The following AKNA variants were observed in gnomAD, a reference collection of about 807,000 sequenced individuals.
The protein encoded by AKNA is AT-hook transcription factor.
In AKNA, 67 loss-of-function variants were observed where a neutral mutation model predicts 138.8. That is an observed-to-expected ratio of 0.48 (90% CI 0.40 to 0.59). The LOEUF (loss-of-function observed/expected upper bound fraction) is 0.59, where lower values mean the gene tolerates loss of function less well. Among genes scored for constraint, AKNA ranks in the 20% least tolerant of loss-of-function variants. The pLI is 0.00. For missense variants in AKNA, 1,813 were observed against 1,880.4 expected (o/e 0.96, Z 0.66); for synonymous variants, 737 against 754.4 (o/e 0.98, Z 0.38).
chr9:114,332,367 C>A (rs1263573426), downstream of AKNA, among the ~76,000 whole-genome samples: 1 of 152,062 alleles, frequency 6.6e-6, no homozygotes, highest in Non-Finnish European at 1.5e-5. Flanking sequence ...AGTCACCATC[C>A]CGATTTTTGC....
intron 16 of AKNA, 74 bp from the exon 17 acceptor site, chr9:114,346,858 TC>T: frequency 8.0e-7 from 1 of 1,257,616 alleles, no homozygotes; most frequent in Non-Finnish European, 1.1e-6. Flanking sequence ...TGTGAGAAGT[TC>T]AACCTGGAGA....
chr9:114,396,899 TCTC>T (rs921650739), upstream of AKNA: 2 of 152,172 alleles, frequency 1.3e-5, no homozygotes, highest in Non-Finnish European at 2.9e-5. Context: ...TACTTTTCCT[TCTC>T]CACGCCCCCA....
At position 114,376,586 on chromosome 9, in the gene AKNA, C is replaced by T. The variant is rs763362809; in HGVS notation, c.1221G>A (p.Val407=). The T allele has an allele frequency of 1.9e-6, 3 of 1,614,156 alleles. No homozygotes were observed. The highest frequency in any genetic ancestry group is 1.7e-6 in the Non-Finnish European group (2 of 1,180,032). The part of the protein sequence containing the change: ...FKSPAEIVQE[V]LLSSGEAALA... ...GGGCTGCTTCTCCACTGCTCAACAG[C>T]ACCTCCTGCACAATCTCAGCTGGAG... The change falls in exon 3 of 22, where the codon GTG becomes GTA. Residue 407 remains valine, a synonymous_variant. Coordinates refer to ENST00000374088, the MANE Select transcript of AKNA (RefSeq NM_001317950.2).
chr9:114,366,320 T>C (rs927079055), intron 6 of AKNA, among the ~76,000 whole-genome samples: 4 of 151,136 alleles, frequency 2.6e-5, no homozygotes, highest in Non-Finnish European at 5.9e-5. Context: ...AGTACTTGTA[T>C]GTGCTACTCC....
intron 21 of AKNA, among the ~76,000 whole-genome samples, chr9:114,340,362 A>G (rs980563281): frequency 2.0e-5 from 3 of 152,210 alleles, no homozygotes; most frequent in Admixed American, 6.5e-5. Flanking sequence ...CAGGTTTCCT[A>G]CTTCTGGGGA....
rs564279013 is a variant in AKNA at position 114,362,391 on chromosome 9, C to T, written c.1916+15G>A. On this transcript the variant is annotated intron_variant, in intron 8 of 21. Coordinates refer to ENST00000374088, the MANE Select transcript of AKNA (RefSeq NM_001317950.2). Reference sequence around the variant, plus strand: ...ATCCCATCTGTCCTTCCAGGCCTTCCACCCCAGCAGGTACCTGCGAGGATC... The same window carrying T: ...ATCCCATCTGTCCTTCCAGGCCTTCTACCCCAGCAGGTACCTGCGAGGATC... 6.2e-7 allele frequency: 1 copy of T among 1,605,606 alleles called. No individual in the cohort carries two copies. The highest frequency in any genetic ancestry group is 1.3e-5 in the African/African-American group (1 of 74,846).
upstream of AKNA, among the ~76,000 whole-genome samples, chr9:114,394,591 G>C (rs556414438): frequency 2.0e-5 from 3 of 152,342 alleles, no homozygotes; most frequent in African/African-American, 7.2e-5. Flanking sequence ...TAAAAGGAAA[G>C]GAAGCAATCA....
chr9:114,346,023 AG>A lies in AKNA; in HGVS notation c.3515-15del. On this transcript the variant is annotated splice_polypyrimidine_tract_variant and intron_variant, in intron 17 of 21. Transcript: ENST00000374088. ...CAGATTCTGAACCTGGGGTAGAAAA[AG>A]TGGGGCATCAGAGGGGGCAAGGGGT... The A allele has an allele frequency of 6.3e-7, 1 of 1,580,758 alleles. No homozygotes were observed. The highest frequency in any genetic ancestry group is 8.7e-7 in the Non-Finnish European group (1 of 1,150,870).
At chr9:114,343,294 C>T (rs1005989114) in intron 19 of AKNA, among the ~76,000 whole-genome samples, 27 of 152,120 alleles carry the variant, frequency 1.8e-4, no homozygotes, top group African/African-American at 6.3e-4. Context: ...AAGGAACTGG[C>T]CTAAGGTCAC....
intron 21 of AKNA, among the ~76,000 whole-genome samples, chr9:114,340,959 G>A (rs1830301626): frequency 6.6e-6 from 1 of 152,190 alleles, no homozygotes; most frequent in African/African-American, 2.4e-5. Flanking sequence ...GACTTTGGAG[G>A]AAAACGGCCT....
chr9:114,342,680 T>A (rs1830435033), intron 19 of AKNA, among the ~76,000 whole-genome samples: 2 of 152,204 alleles, frequency 1.3e-5, no homozygotes, highest in African/African-American at 4.8e-5. Context: ...GTTCCAGGGC[T>A]GGTCTGTTTC....
intron 11 of AKNA, chr9:114,358,470 G>A (rs897849167): frequency 8.5e-6 from 3 of 354,530 alleles, no homozygotes; most frequent in Non-Finnish European, 1.6e-5. Context: ...CCCTATTTCA[G>A]TCATTTCCAT....
chr9:114,376,836 G>A lies in AKNA; in HGVS notation c.971C>T (p.Pro324Leu). 1 of 1,613,758 alleles carries A rather than the reference G, an allele frequency of 6.2e-7. No individual in the cohort carries two copies. Among genetic ancestry groups the A allele is most frequent in the South Asian group, 1.1e-5 (1 of 91,052 alleles). ...SISPLNPQPR[P>L]TRQGRPLPRQ... ...GGGCAGCGGCCTGCCCTGCCGCGTT[G>A]GCCTGGGCTGGGGATTCAGGGGGCT... The change falls in exon 3 of 22, where the codon CCA becomes CTA. Residue 324 changes from proline to leucine, a missense_variant. Physicochemically the swap from Pro to Leu is moderately conservative, Grantham distance 98. Transcript: ENST00000374088.
intron 11 of AKNA, among the ~76,000 whole-genome samples, chr9:114,358,519 A>G (rs1831671303): frequency 6.6e-6 from 1 of 152,182 alleles, no homozygotes; most frequent in South Asian, 2.1e-4. Context: ...ATCACTATTC[A>G]AAACAGAAGA....
At chr9:114,330,710 T>C, downstream of AKNA, 2 of 1,598,572 alleles carry the variant, frequency 1.3e-6, no homozygotes, top group Non-Finnish European at 1.7e-6. Flanking sequence ...CACCAGACTC[T>C]TGCCCCGGGA....
rs1258291956 is a variant in AKNA, at chr9:114,335,262, G to C, written c.*1792C>G. The C allele has an allele frequency of 6.6e-6, 1 of 152,168 alleles. No homozygotes were observed. Among genetic ancestry groups the C allele is most frequent in the Admixed American group, 6.5e-5 (1 of 15,280 alleles). The allele number at this position is 152,168 out of a possible 1,614,324, so 9.4% of individuals were successfully genotyped here. On this transcript the variant is annotated 3_prime_UTR_variant, in exon 22 of 22. Coordinates refer to ENST00000374088, the MANE Select transcript of AKNA (RefSeq NM_001317950.2). ...CACATAACAAAGAATGTGGACTTTG[G>C]GTCAGACCAATGTGAGTTTAAATCC...
intron 14 of AKNA, 29 bp from the exon 15 acceptor site, chr9:114,351,050 G>C: frequency 6.2e-7 from 1 of 1,607,610 alleles, no homozygotes; most frequent in Non-Finnish European, 8.5e-7. Flanking sequence ...AACCCAAAGT[G>C]AGTTTAAGCA....
At chr9:114,377,690 A>T in intron 2 of AKNA, 158 bp from the exon 3 acceptor site, 1 of 747,220 alleles carries the variant, frequency 1.3e-6, no homozygotes, top group Non-Finnish European at 2.1e-6. Context: ...TGCTTGTCTG[A>T]TACCTGATCT....
At chr9:114,343,585 T>C in intron 19 of AKNA, 123 bp downstream of exon 19, 1 of 972,494 alleles carries the variant, frequency 1.0e-6, no homozygotes. Flanking sequence ...TCTTCCCTGG[T>C]CTGTCCCTAT....
Sources: allele counts gnomAD v4.1 joint callset (sites outside exome capture counted in the v4.1 genomes callset), GRCh38; gene constraint gnomAD v4.1.1; transcripts MANE v1.5; gene names NCBI Gene and HGNC (gene_info 2026-07-23, HGNC 2026-07-21).